The following SEPTIN9 variants were observed in gnomAD, a reference collection of about 807,000 sequenced individuals.
SEPTIN9 encodes the protein septin-9.
A neutral mutation model predicts 56.6 loss-of-function variants in SEPTIN9; 13 were observed. The ratio of observed to expected loss-of-function variants is 0.23; its 90% CI spans 0.15 to 0.37. The LOEUF is 0.37. Among genes scored for constraint, SEPTIN9 ranks in the 10% least tolerant of loss-of-function variants. The pLI is 1.00. For synonymous variants in SEPTIN9, 332 were observed against 334.1 expected (o/e 0.99, Z 0.07); for missense variants, 650 against 823.1 (o/e 0.79, Z 2.57).
chr17:77,426,297 C>A (rs1275780849), intron 3 of SEPTIN9, among the ~76,000 whole-genome samples: 1 of 152,094 alleles, frequency 6.6e-6, no homozygotes, highest in African/African-American at 2.4e-5. Context: ...CAGCACACCT[C>A]CCCCAGGAGT....
rs1169732717 is a variant in SEPTIN9 at position 77,319,711 on chromosome 17, A to G, written c.76+12514A>G. ...AGGAAGGCGAGGCAGGCACGCAGGA[A>G]CTGGGCTTTTTAAACCCTTAAGCCC... On this transcript the variant is annotated intron_variant, in intron 2 of 11. Coordinates refer to ENST00000427177, the MANE Select transcript of SEPTIN9 (RefSeq NM_001113491.2). This position sits in a 1 kb window ranked among gnomAD's most constrained non-coding sequence, Gnocchi z 5.3. 22 of 1,067,022 alleles carry G rather than the reference A, an allele frequency of 2.1e-5. No homozygotes were observed. The highest frequency in any genetic ancestry group is 2.5e-5 in the Non-Finnish European group (22 of 880,178). The allele number at this position is 1,067,022 out of a possible 1,614,324, so 66.1% of individuals were successfully genotyped here. A position where few individuals can be genotyped will look rare whatever the true frequency, so the allele number is the denominator to read the frequency against.
intron 2 of SEPTIN9, chr17:77,320,236 T>A: frequency 6.2e-7 from 1 of 1,609,344 alleles, no homozygotes; most frequent in Non-Finnish European, 8.5e-7. Flanking sequence ...AGGAGGAGGC[T>A]GAGAGAGGGA....
At position 77,284,863 on chromosome 17, in the gene SEPTIN9, C is replaced by T. The variant is rs60266764; in HGVS notation, c.19+3309C>T. 7.3e-3 allele frequency among the ~76,000 whole-genome samples: 1,110 copies of T among 152,214 alleles called. 14 individuals are homozygous for T. Among genetic ancestry groups the T allele is most frequent in the African/African-American group, 0.025 (1,057 of 41,516 alleles). On this transcript the variant is annotated intron_variant, in intron 1 of 11. Coordinates refer to ENST00000427177, the MANE Select transcript of SEPTIN9 (RefSeq NM_001113491.2). ...CAGGCTGATCTCGAACTCCTGACCT[C>T]GTGATCTGCCTGCCTTGGCCTCCCA... is the stretch of plus-strand genomic sequence containing the variant.
At chr17:77,412,591 G>C (rs764885160) in intron 3 of SEPTIN9, among the ~76,000 whole-genome samples, 5 of 152,074 alleles carry the variant, frequency 3.3e-5, no homozygotes, top group Non-Finnish European at 7.4e-5. Flanking sequence ...AGCTGGGTGA[G>C]GTGGTGCGCC....
At chr17:77,380,417 T>C (rs1280672121) in intron 2 of SEPTIN9, among the ~76,000 whole-genome samples, 2 of 151,810 alleles carry the variant, frequency 1.3e-5, no homozygotes, top group Non-Finnish European at 2.9e-5. Context: ...CTCGGAAATT[T>C]CTGAATATCC....
At chr17:77,495,120 C>T (rs2040200049) in intron 10 of SEPTIN9, among the ~76,000 whole-genome samples, 1 of 152,088 alleles carries the variant, frequency 6.6e-6, no homozygotes, top group Non-Finnish European at 1.5e-5. Flanking sequence ...TCTGCTGCAC[C>T]CTGGTGGCCA....
At chr17:77,454,194 A>C in intron 3 of SEPTIN9, 1 of 985,538 alleles carries the variant, frequency 1.0e-6, no homozygotes, top group Non-Finnish European at 1.2e-6. Context: ...GGCTTTGGGA[A>C]GACCTGGAGG....
intron 2 of SEPTIN9, among the ~76,000 whole-genome samples, chr17:77,325,777 G>T (rs1030363068): frequency 1.3e-5 from 2 of 152,182 alleles, no homozygotes; most frequent in Non-Finnish European, 2.9e-5. Flanking sequence ...CCTGTTTGGA[G>T]GTGGTCATCC....
chr17:77,283,163 T>TC (rs1488474654), intron 1 of SEPTIN9, among the ~76,000 whole-genome samples: 9 of 148,410 alleles, frequency 6.1e-5, no homozygotes, highest in East Asian at 1.9e-4. Flanking sequence ...TGGGTTTCTT[T>TC]TTTTTTTTTT....
intron 1 of SEPTIN9, among the ~76,000 whole-genome samples, chr17:77,298,645 C>A (rs2031914852): frequency 6.6e-6 from 1 of 152,140 alleles, no homozygotes; most frequent in South Asian, 2.1e-4. Flanking sequence ...GTGAATGGGG[C>A]TCAGGATGCC....
rs1479814891 is a variant in SEPTIN9 at position 77,430,341 on chromosome 17, C to G, written c.721+27638C>G. 1.3e-4 allele frequency among the ~76,000 whole-genome samples: 20 copies of G among 152,208 alleles called. 1 individual carries two copies. The highest frequency in any genetic ancestry group is 1.0e-4 in the Non-Finnish European group (7 of 68,030). ...CTGGAAAGTCTCTCCTGTCACACCC[C>G]CAGCGGCTCCCTCCCTCCTAACATT... On this transcript the variant is annotated intron_variant, in intron 3 of 11. Coordinates refer to ENST00000427177, the MANE Select transcript of SEPTIN9 (RefSeq NM_001113491.2).
rs200546734 is a variant in SEPTIN9 at position 77,288,700 on chromosome 17, C to T, written c.19+7146C>T. Among the ~76,000 whole-genome samples the T allele has an allele frequency of 7.9e-5, 12 of 152,336 alleles. 1 individual carries two copies. The East Asian group carries it at 2.3e-3, about 29-fold the overall frequency. On this transcript the variant is annotated intron_variant, in intron 1 of 11. Transcript: ENST00000427177. ...CTGTCATCTTCCAGCTTGTTAAGGA[C>T]TTGACTAACTCAACCCAGAGGGATT... is the stretch of plus-strand genomic sequence containing the variant.
intron 2 of SEPTIN9, among the ~76,000 whole-genome samples, chr17:77,356,257 G>T (rs532447143): frequency 6.6e-6 from 1 of 152,266 alleles, no homozygotes; most frequent in South Asian, 2.1e-4. Flanking sequence ...AAGCAGCTCT[G>T]GGCACCGTGC....
At chr17:77,442,601 G>A (rs879550853) in intron 3 of SEPTIN9, among the ~76,000 whole-genome samples, 4 of 150,536 alleles carry the variant, frequency 2.7e-5, no homozygotes, top group Admixed American at 6.6e-5. Flanking sequence ...GGCCGGGTGC[G>A]ATGGCTCACG....
intron 3 of SEPTIN9, among the ~76,000 whole-genome samples, chr17:77,458,208 C>G (rs2038301928): frequency 6.6e-6 from 1 of 152,228 alleles, no homozygotes. Flanking sequence ...TGCCCTCACT[C>G]ATTCAGCAGA....
chr17:77,429,566 AG>A lies in SEPTIN9; in HGVS notation c.721+26867del, dbSNP rs1811149169. The stretch of plus-strand genomic sequence containing the variant: ...TTCTGGGCTTTGATCGAAAGGGAAC[AG>A]GGGACACATCTGGGGACAGTCTCCT... On this transcript the variant is annotated intron_variant, in intron 3 of 11. Coordinates refer to ENST00000427177, the MANE Select transcript of SEPTIN9 (RefSeq NM_001113491.2). This position sits in a 1 kb window ranked among gnomAD's most constrained non-coding sequence, Gnocchi z 5.2. Among the ~76,000 whole-genome samples the A allele has an allele frequency of 6.6e-6, 1 of 152,196 alleles. No individual in the cohort carries two copies. The highest frequency in any genetic ancestry group is 2.1e-4 in the South Asian group (1 of 4,832).
chr17:77,473,839 T>TA (rs765817992), intron 3 of SEPTIN9, among the ~76,000 whole-genome samples: 2 of 152,234 alleles, frequency 1.3e-5, no homozygotes, highest in Non-Finnish European at 2.9e-5. Context: ...ACTCAATAAA[T>TA]ACTTGTCAAA....
intron 3 of SEPTIN9, among the ~76,000 whole-genome samples, chr17:77,460,218 GT>G (rs1161948514): frequency 6.6e-6 from 1 of 152,170 alleles, no homozygotes; most frequent in African/African-American, 2.4e-5. Flanking sequence ...CTCCTTCTCT[GT>G]TCCTTGTTGA....
intron 3 of SEPTIN9, among the ~76,000 whole-genome samples, chr17:77,479,098 A>G (rs1210784271): frequency 1.3e-5 from 2 of 152,262 alleles, no homozygotes; most frequent in Non-Finnish European, 2.9e-5. Context: ...TTGTTACACA[A>G]CAATGCGAAT....
Sources: gnomAD v4.1 joint callset for allele counts (sites outside exome capture counted in the v4.1 genomes callset) on GRCh38, gnomAD v4.1.1 for gene constraint, Gnocchi (gnomAD v3.1) non-coding constraint, MANE v1.5 for transcripts, NCBI Gene and HGNC (gene_info 2026-07-23, HGNC 2026-07-21) for gene names.